MAPKAP1: variants seen among roughly 807,000 people sequenced by gnomAD.
MAPKAP1 encodes target of rapamycin complex 2 subunit MAPKAP1.
A neutral mutation model predicts 65.7 loss-of-function variants in MAPKAP1; 20 were observed. The observed-to-expected ratio is 0.30, with a 90% confidence interval of 0.21 to 0.44. The LOEUF (loss-of-function observed/expected upper bound fraction) is 0.44. MAPKAP1 is among the 20% of genes least tolerant of loss of function. MAPKAP1 has a pLI of 1.00. For missense variants in MAPKAP1, 423 were observed against 648.0 expected, an observed-to-expected ratio of 0.65 and a Z score of 3.77; for synonymous variants, 222 against 244.3, an observed-to-expected ratio of 0.91 and a Z score of 0.85.
intron 5 of MAPKAP1, chr9:125,565,587 T>G (rs988278429): frequency 2.2e-5 from 7 of 312,962 alleles, no homozygotes; most frequent in Middle Eastern, 4.1e-4. Context: ...AAAAAGGTCA[T>G]GAGGATTGCA....
intron 1 of MAPKAP1, among the ~76,000 whole-genome samples, chr9:125,684,038 C>G (rs558165167): frequency 1.3e-5 from 2 of 152,220 alleles, no homozygotes; most frequent in Admixed American, 6.5e-5. Context: ...TCTATATCAC[C>G]CAGAGTCCAA....
Position 125,552,316 on chromosome 9 carries a change from A to C in MAPKAP1, c.848+7317T>G, listed in dbSNP as rs542063186. ...GATTCCTGGGGCCCAGGGGTTCTAG[A>C]GGGAAAGCTAGATAGATCTAGTCCT... On this transcript the variant is annotated intron_variant, in intron 6 of 11. Coordinates refer to ENST00000265960, the MANE Select transcript of MAPKAP1 (RefSeq NM_001006617.3). 2.6e-5 allele frequency among the ~76,000 whole-genome samples: 4 copies of C among 152,350 alleles called. No individual in the cohort carries two copies. In the South Asian group the frequency reaches 8.3e-4, roughly 32 times the overall value.
At chr9:125,681,707 C>T (rs1406016800) in intron 1 of MAPKAP1, among the ~76,000 whole-genome samples, 1 of 152,186 alleles carries the variant, frequency 6.6e-6, no homozygotes, top group Non-Finnish European at 1.5e-5. Context: ...CAGTAACACA[C>T]CATAAGAAAT....
chr9:125,666,077 T>G (rs1834332282), intron 3 of MAPKAP1, among the ~76,000 whole-genome samples: 1 of 152,240 alleles, frequency 6.6e-6, no homozygotes, highest in African/African-American at 2.4e-5. Flanking sequence ...AAAATACCAA[T>G]ACCATTTTAA....
chr9:125,640,754 A>T (rs562623010), intron 4 of MAPKAP1, among the ~76,000 whole-genome samples: 21 of 152,372 alleles, frequency 1.4e-4, no homozygotes, highest in Admixed American at 1.4e-3. Context: ...AGCAAGTGAC[A>T]TGGTAAGTAA....
intron 7 of MAPKAP1, among the ~76,000 whole-genome samples, chr9:125,531,597 A>T (rs1829934913): frequency 6.6e-6 from 1 of 152,240 alleles, no homozygotes; most frequent in African/African-American, 2.4e-5. Context: ...ATGTTTGTAC[A>T]TTCAGAAATT....
chr9:125,641,829 C>G (rs1020158305), intron 4 of MAPKAP1, among the ~76,000 whole-genome samples: 1 of 151,154 alleles, frequency 6.6e-6, no homozygotes, highest in African/African-American at 2.4e-5. Flanking sequence ...GTCAGGAGAT[C>G]AAGACCAGCC....
At position 125,521,965 on chromosome 9, in the gene MAPKAP1, A is replaced by G. The variant is rs184762549; in HGVS notation, c.959-15548T>C. On this transcript the variant is annotated intron_variant, in intron 7 of 11. Coordinates refer to ENST00000265960, the MANE Select transcript of MAPKAP1 (RefSeq NM_001006617.3). ...ATCTGCTTATGTCAGAGGCTTCGGT[A>G]AACCACTTCCTCTCTGAACTTCAGT... is the stretch of plus-strand genomic sequence containing the variant. Among the ~76,000 whole-genome samples, 3 of 152,372 alleles carry G rather than the reference A, an allele frequency of 2.0e-5. No individual in the cohort carries two copies. The East Asian group carries it at 5.8e-4, about 29-fold the overall frequency.
In MAPKAP1 at chr9:125,676,748, A is replaced by T. The variant is rs76505960; in HGVS notation, c.-69-4105T>A. On this transcript the variant is annotated intron_variant, in intron 1 of 11. Coordinates refer to ENST00000265960, the MANE Select transcript of MAPKAP1 (RefSeq NM_001006617.3). ...ATGCCAATGAACTACACATTTAAAA[A>T]TGGTTAAAATGGTAAATTTTACTTA... Among the ~76,000 whole-genome samples, 194 of 152,370 alleles carry T rather than the reference A, an allele frequency of 1.3e-3. 1 individual carries two copies. The highest frequency in any genetic ancestry group is 4.5e-3 in the African/African-American group (187 of 41,598).
intron 4 of MAPKAP1, among the ~76,000 whole-genome samples, chr9:125,648,936 CAA>C (rs5900666): frequency 1.5e-5 from 2 of 134,366 alleles, no homozygotes; most frequent in African/African-American, 2.8e-5. Flanking sequence ...GACTCTGACT[CAA>C]AAAAAAAAAG....
At chr9:125,459,416 G>A (rs1451415059) in intron 10 of MAPKAP1, among the ~76,000 whole-genome samples, 125 of 151,740 alleles carry the variant, frequency 8.2e-4, no homozygotes, top group African/African-American at 2.8e-3. Flanking sequence ...ACGGGGTGGC[G>A]GCCGGGCAGA....
At chr9:125,687,599 A>G (rs938114883) in intron 1 of MAPKAP1, among the ~76,000 whole-genome samples, 1 of 149,502 alleles carries the variant, frequency 6.7e-6, no homozygotes, top group Admixed American at 6.7e-5. Flanking sequence ...CAACAGAGCA[A>G]GACCCCACCT....
intron 6 of MAPKAP1, among the ~76,000 whole-genome samples, chr9:125,558,031 A>G (rs1830789706): frequency 6.6e-6 from 1 of 151,974 alleles, no homozygotes; most frequent in Admixed American, 6.6e-5. Flanking sequence ...TAATTTTTGT[A>G]TTTTTAGTAG....
At chr9:125,693,490 TATAC>T (rs1029576138) in intron 1 of MAPKAP1, among the ~76,000 whole-genome samples, 2 of 147,642 alleles carry the variant, frequency 1.4e-5, no homozygotes, top group Non-Finnish European at 3.0e-5. Flanking sequence ...TATACACATA[TATAC>T]ACACATATAT....
At chr9:125,611,401 T>C (rs1335481178) in intron 4 of MAPKAP1, among the ~76,000 whole-genome samples, 2 of 151,922 alleles carry the variant, frequency 1.3e-5, no homozygotes, top group East Asian at 1.9e-4. Context: ...GACACAGAGA[T>C]AGGAAATAAG....
Position 125,652,141 on chromosome 9 carries a change from C to T in MAPKAP1, c.498+5510G>A, listed in dbSNP as rs192471804. The T allele has an allele frequency of 2.2e-5, 29 of 1,308,884 alleles. No individual in the cohort carries two copies. In the Admixed American group the frequency reaches 4.2e-4, roughly 19 times the overall value. 81.1% of individuals were successfully genotyped at this position (1,308,884 alleles called of 1,614,324 possible). A position where few individuals can be genotyped will look rare whatever the true frequency, so the allele number is the denominator to read the frequency against. ...CCTTTTCTGAGTTTGCAACATTTCTCGGTGGCTTCATGCTTTTCTGCAAAG... is the reference window on the plus strand; with the variant it reads ...CCTTTTCTGAGTTTGCAACATTTCTTGGTGGCTTCATGCTTTTCTGCAAAG... On this transcript the variant is annotated intron_variant, in intron 4 of 11. Transcript: ENST00000265960.
intron 4 of MAPKAP1, among the ~76,000 whole-genome samples, chr9:125,646,883 A>T (rs1478723165): frequency 6.6e-6 from 1 of 152,218 alleles, no homozygotes; most frequent in Non-Finnish European, 1.5e-5. Context: ...TAAATCTTAT[A>T]TCTATTTTAA....
intron 4 of MAPKAP1, among the ~76,000 whole-genome samples, chr9:125,644,351 G>A (rs1833665443): frequency 6.6e-6 from 1 of 151,558 alleles, no homozygotes; most frequent in Non-Finnish European, 1.5e-5. Flanking sequence ...AGTAGTAAGA[G>A]TCCTTGAAAA....
intron 4 of MAPKAP1, among the ~76,000 whole-genome samples, chr9:125,605,869 T>G (rs192614190): frequency 3.0e-4 from 45 of 152,348 alleles, no homozygotes; most frequent in African/African-American, 1.1e-3. Context: ...TAGGAATAAG[T>G]AGGGAGCTAC....
Sources: allele counts gnomAD v4.1 joint callset (sites outside exome capture counted in the v4.1 genomes callset), GRCh38; gene constraint gnomAD v4.1.1; transcripts MANE v1.5; gene names NCBI Gene and HGNC (gene_info 2026-07-23, HGNC 2026-07-21).